Variants in EIF2AK1 observed in about 807,000 individuals in gnomAD.
EIF2AK1 encodes eukaryotic translation initiation factor 2-alpha kinase 1.
In EIF2AK1, 54 loss-of-function variants were observed where a neutral mutation model predicts 77.9. That is an observed-to-expected ratio of 0.69 (90% CI 0.56 to 0.87). EIF2AK1 has a LOEUF of 0.87. EIF2AK1 is among the 40% of genes least tolerant of loss of function. EIF2AK1 has a pLI of 0.00. For synonymous variants in EIF2AK1, 314 were observed against 290.5 expected (o/e 1.08, Z -0.82); for missense variants, 810 against 768.6 (o/e 1.05, Z -0.64).
chr7:6,031,303 A>T, intron 11 of EIF2AK1: 3 of 1,377,602 alleles, frequency 2.2e-6, no homozygotes, highest in Non-Finnish European at 3.0e-6. Flanking sequence ...CTGAACTGAA[A>T]GAATCATCAC....
At chr7:6,043,772 G>A (rs539468414) in intron 7 of EIF2AK1, among the ~76,000 whole-genome samples, 2 of 151,866 alleles carry the variant, frequency 1.3e-5, no homozygotes, top group South Asian at 2.1e-4. Flanking sequence ...TATAAATGAA[G>A]AGCCTGTGTT....
At chr7:6,057,524 C>T (rs1272411171) in intron 1 of EIF2AK1, 2 of 149,380 alleles carry the variant, frequency 1.3e-5, no homozygotes, top group African/African-American at 5.0e-5. Flanking sequence ...AGCACATATA[C>T]TAAAAACTGG....
intron 4 of EIF2AK1, among the ~76,000 whole-genome samples, chr7:6,048,214 C>G (rs949108603): frequency 6.6e-6 from 1 of 152,090 alleles, no homozygotes; most frequent in African/African-American, 2.4e-5. Flanking sequence ...CCAAAATAAA[C>G]CCTATATCCA....
rs1224293909 is a variant in EIF2AK1, at chr7:6,028,936, T to C, written c.1429A>G (p.Thr477Ala). The part of the protein sequence containing the change: ...TDILQKNTDW[T>A]NRNGKRTPTH... ...AACTTACTCTTCCCGTTTCTGTTGG[T>C]CCAGTCTGTGTTCTTCTGTAGGATG... is the stretch of plus-strand genomic sequence containing the variant. Residue 477 changes from threonine to alanine, a missense_variant, in exon 12 of 15, where the codon ACC becomes GCC. Physicochemically the swap from Thr to Ala is moderately conservative, Grantham distance 58 (BLOSUM62 0). Coordinates refer to ENST00000199389, the MANE Select transcript of EIF2AK1 (RefSeq NM_014413.4). 5 of 1,606,230 alleles carry C rather than the reference T, an allele frequency of 3.1e-6. No individual in the cohort carries two copies. The South Asian group carries it at 3.4e-5, about 11-fold the overall frequency.
chr7:6,023,585 A>G lies in EIF2AK1; in HGVS notation c.*1088T>C, dbSNP rs758885310. Reference sequence around the variant, plus strand: ...GACGTGGTGCTGTGGTCTGTACTCCAGCAGATCGGAGGCTGCAGTGTGACA... The same window carrying G: ...GACGTGGTGCTGTGGTCTGTACTCCGGCAGATCGGAGGCTGCAGTGTGACA... On this transcript the variant is annotated 3_prime_UTR_variant, in exon 15 of 15. Coordinates refer to ENST00000199389, the MANE Select transcript of EIF2AK1 (RefSeq NM_014413.4). 4.6e-5 allele frequency: 74 copies of G among 1,614,234 alleles called. 6 individuals carry two copies. In the South Asian group the frequency reaches 7.9e-4, roughly 17 times the overall value.
intron 3 of EIF2AK1, 96 bp from the exon 4 acceptor site, chr7:6,048,940 C>A: frequency 1.3e-6 from 1 of 759,506 alleles, no homozygotes; most frequent in Non-Finnish European, 2.1e-6. Flanking sequence ...ACCCCAAATG[C>A]ATAAACAATA....
rs553995018 is a variant in EIF2AK1, at chr7:6,048,713, C to T, written c.449+94G>A. 1.2e-5 allele frequency: 12 copies of T among 1,030,330 alleles called. No individual in the cohort carries two copies. In the South Asian group the frequency reaches 1.8e-4, roughly 16 times the overall value. The allele number at this position is 1,030,330 out of a possible 1,614,324, so 63.8% of individuals were successfully genotyped here. A position where few individuals can be genotyped will look rare whatever the true frequency, so the allele number is the denominator to read the frequency against. ...AAGTTTTTAATGTTCATAAATAATA[C>T]TAACAATATTATGTTTTAACCTCAA... On this transcript the variant is annotated intron_variant, in intron 4 of 14. Coordinates refer to ENST00000199389, the MANE Select transcript of EIF2AK1 (RefSeq NM_014413.4).
In EIF2AK1 at chr7:6,033,086, A is replaced by G. The variant is rs1787964445; in HGVS notation, c.1333-4054T>C. The stretch of plus-strand genomic sequence containing the variant: ...TGGGTTCAAGAGCTTCTCCCACCTC[A>G]GCCTCCCGAGTAGCTGGGATTACAG... On this transcript the variant is annotated intron_variant, in intron 11 of 14. Transcript: ENST00000199389. This position sits in a 1 kb window ranked among gnomAD's most constrained non-coding sequence, Gnocchi z 4.4. The G allele has an allele frequency of 1.4e-5, 8 of 589,526 alleles. No homozygotes were observed. Among genetic ancestry groups the G allele is most frequent in the Non-Finnish European group, 2.3e-5 (8 of 344,528 alleles). The allele number at this position is 589,526 out of a possible 1,614,324, so 36.5% of individuals were successfully genotyped here. A position where few individuals can be genotyped will look rare whatever the true frequency, so the allele number is the denominator to read the frequency against.
rs557303259 is a variant in EIF2AK1, at chr7:6,022,767, C to G, written c.*1906G>C. On this transcript the variant is annotated 3_prime_UTR_variant, in exon 15 of 15. Transcript: ENST00000199389. ...GTCATGGCTATCACAGCCATCTTGC[C>G]CTCACATTCAAGAACTTACCATCAT... The G allele has an allele frequency of 2.0e-5, 3 of 152,746 alleles. No individual in the cohort carries two copies. The East Asian group carries it at 5.8e-4, about 29-fold the overall frequency. 9.5% of individuals were successfully genotyped at this position (152,746 alleles called of 1,614,324 possible).
In EIF2AK1 at chr7:6,033,448, A is replaced by C. The variant is rs528552243; in HGVS notation, c.1332+3976T>G. 3.7e-4 allele frequency among the ~76,000 whole-genome samples: 56 copies of C among 152,204 alleles called. No individual in the cohort carries two copies. Among genetic ancestry groups the C allele is most frequent in the Non-Finnish European group, 6.6e-4 (45 of 68,042 alleles). ...TGCAACATCATAAATATTTTGCCAA[A>C]TTAATGCACATTCTGAGGATTAAGA... is the stretch of plus-strand genomic sequence containing the variant. On this transcript the variant is annotated intron_variant, in intron 11 of 14. Transcript: ENST00000199389. This position sits in a 1 kb window ranked among gnomAD's most constrained non-coding sequence, Gnocchi z 4.4.
intron 1 of EIF2AK1, among the ~76,000 whole-genome samples, chr7:6,057,082 C>T (rs1788795856): frequency 6.6e-6 from 1 of 150,788 alleles, no homozygotes; most frequent in Admixed American, 6.6e-5. Context: ...CCGTTGAACC[C>T]AGGAGTTTGA....
Position 6,037,251 on chromosome 7 carries a change from C to A in EIF2AK1, c.1332+173G>T, listed in dbSNP as rs61340688. The stretch of plus-strand genomic sequence containing the variant: ...GTCTCAAAAAAAAAAAAAAATTCGA[C>A]CTAATGTTTCCATACTCTGGATCTA... On this transcript the variant is annotated intron_variant, in intron 11 of 14. Transcript: ENST00000199389. 6.3e-3 allele frequency among the ~76,000 whole-genome samples: 957 copies of A among 151,914 alleles called. 7 individuals are homozygous for A. Among genetic ancestry groups the A allele is most frequent in the African/African-American group, 0.022 (920 of 41,416 alleles).
At chr7:6,044,086 G>A (rs564312194) in intron 7 of EIF2AK1, among the ~76,000 whole-genome samples, 74 of 151,752 alleles carry the variant, frequency 4.9e-4, no homozygotes, top group African/African-American at 7.3e-4. Flanking sequence ...GTGACAGAGC[G>A]AGACTCTGTC....
At chr7:6,051,841 A>G (rs1427073836) in intron 2 of EIF2AK1, among the ~76,000 whole-genome samples, 4 of 152,204 alleles carry the variant, frequency 2.6e-5, no homozygotes, top group Non-Finnish European at 4.4e-5. Context: ...CTCACTGATT[A>G]CATCAAAAAC....
chr7:6,033,874 T>C lies in EIF2AK1; in HGVS notation c.1332+3550A>G, dbSNP rs1787987177. Among the ~76,000 whole-genome samples, 1 of 151,380 alleles carries C rather than the reference T, an allele frequency of 6.6e-6. No individual in the cohort carries two copies. Among genetic ancestry groups the C allele is most frequent in the African/African-American group, 2.4e-5 (1 of 41,242 alleles). The stretch of plus-strand genomic sequence containing the variant: ...GTGAGCCGCCGTGCCTGGCCGACAA[T>C]GGATTTTCTTGTTTATTACTCTCCA... On this transcript the variant is annotated intron_variant, in intron 11 of 14. Transcript: ENST00000199389. The surrounding 1 kb of genome is among the most constrained non-coding windows in gnomAD (Gnocchi z 4.4).
In EIF2AK1 at chr7:6,027,080, C is replaced by T; in HGVS notation, c.1531-119G>A. ...TTCTAAGAATGAGGATATACGGTCA[C>T]CCACAAGGAAGGGAACAGAGCAGGA... On this transcript the variant is annotated intron_variant, in intron 13 of 14. Transcript: ENST00000199389. This position sits in a 1 kb window ranked among gnomAD's most constrained non-coding sequence, Gnocchi z 4.5. 1 of 812,596 alleles carries T rather than the reference C, an allele frequency of 1.2e-6. No homozygotes were observed. Among genetic ancestry groups the T allele is most frequent in the Non-Finnish European group, 2.0e-6 (1 of 501,002 alleles). 50.3% of individuals were successfully genotyped at this position (812,596 alleles called of 1,614,324 possible).
intron 14 of EIF2AK1, chr7:6,026,473 C>T: frequency 1.5e-6 from 1 of 647,706 alleles, no homozygotes; most frequent in Non-Finnish European, 2.9e-6. Flanking sequence ...CCCTCCGCTC[C>T]TCTTTGTGAA....
intron 11 of EIF2AK1, chr7:6,031,463 T>G: frequency 1.3e-6 from 2 of 1,550,756 alleles, no homozygotes; most frequent in Non-Finnish European, 1.7e-6. Context: ...AGCACTTCAC[T>G]CGAAACTCTA....
At chr7:6,049,616 G>C (rs1166580877) in intron 3 of EIF2AK1, among the ~76,000 whole-genome samples, 1 of 146,504 alleles carries the variant, frequency 6.8e-6, no homozygotes, top group Non-Finnish European at 1.5e-5. Flanking sequence ...CCTCTCCTTT[G>C]CCTCTCCTCT....
Sources: allele counts gnomAD v4.1 joint callset (sites outside exome capture counted in the v4.1 genomes callset), GRCh38; gene constraint gnomAD v4.1.1; non-coding constraint Gnocchi (gnomAD v3.1); transcripts MANE v1.5; gene names NCBI Gene and HGNC (gene_info 2026-07-23, HGNC 2026-07-21).